NOL4: variants seen among roughly 807,000 people sequenced by gnomAD.
NOL4 encodes nucleolar protein 4.
In NOL4, 17 loss-of-function variants were observed where a neutral mutation model predicts 75.9. The observed-to-expected ratio is 0.22, with a 90% confidence interval of 0.15 to 0.34. NOL4 has a LOEUF of 0.34. Among genes scored for constraint, NOL4 ranks in the 10% least tolerant of loss-of-function variants. NOL4 has a pLI of 1.00. For missense variants in NOL4, 614 were observed against 793.5 expected (o/e 0.77, Z 2.72); for synonymous variants, 292 against 289.9 (o/e 1.01, Z -0.07).
intron 1 of NOL4, among the ~76,000 whole-genome samples, chr18:34,147,126 G>A (rs986697998): frequency 1.3e-5 from 2 of 152,012 alleles, no homozygotes; most frequent in South Asian, 2.1e-4. Flanking sequence ...GGGCTGAGAC[G>A]ATGGGGTTTT....
intron 5 of NOL4, among the ~76,000 whole-genome samples, chr18:34,044,171 TAAA>T (rs2076260688): frequency 6.6e-6 from 1 of 152,088 alleles, no homozygotes; most frequent in African/African-American, 2.4e-5. Context: ...CTCCATCAAT[TAAA>T]AACTATAAAG....
At chr18:33,868,025 G>C (rs904467842) in intron 10 of NOL4, among the ~76,000 whole-genome samples, 4 of 151,206 alleles carry the variant, frequency 2.6e-5, no homozygotes, top group African/African-American at 9.7e-5. Context: ...TGCTTTACTC[G>C]GTCTACTGAT....
At chr18:34,218,948 A>T (rs796730592) in intron 1 of NOL4, among the ~76,000 whole-genome samples, 22 of 152,350 alleles carry the variant, frequency 1.4e-4, no homozygotes, top group African/African-American at 5.3e-4. Context: ...CTGATGTAGC[A>T]TAAAGGATTT....
chr18:33,881,807 C>A (rs1050619319), intron 10 of NOL4, among the ~76,000 whole-genome samples: 33 of 152,076 alleles, frequency 2.2e-4, no homozygotes, highest in Non-Finnish European at 4.3e-4. Flanking sequence ...TCAAACTATA[C>A]TACAAGGCTA....
At chr18:33,956,623 T>C (rs1383732902) in intron 8 of NOL4, among the ~76,000 whole-genome samples, 3 of 152,190 alleles carry the variant, frequency 2.0e-5, no homozygotes, top group East Asian at 1.9e-4. Flanking sequence ...TATTTCTAGA[T>C]GTAACAATTA....
chr18:33,962,499 T>A (rs1420551374), intron 6 of NOL4, among the ~76,000 whole-genome samples: 1 of 152,182 alleles, frequency 6.6e-6, no homozygotes, highest in Non-Finnish European at 1.5e-5. Context: ...ACTGCCTCCA[T>A]GCAATGATAA....
chr18:34,045,063 A>T (rs181849201), intron 5 of NOL4, among the ~76,000 whole-genome samples: 1 of 152,220 alleles, frequency 6.6e-6, no homozygotes, highest in Non-Finnish European at 1.5e-5. Flanking sequence ...ATGAAGCCAA[A>T]TTAATCATCT....
At chr18:34,061,771 C>T (rs1386801641) in intron 5 of NOL4, among the ~76,000 whole-genome samples, 1 of 151,914 alleles carries the variant, frequency 6.6e-6, no homozygotes, top group African/African-American at 2.4e-5. Flanking sequence ...TTATATTGGG[C>T]AATATTTTTA....
chr18:34,159,667 T>C (rs1374657960), intron 1 of NOL4, among the ~76,000 whole-genome samples: 1 of 152,080 alleles, frequency 6.6e-6, no homozygotes, highest in Non-Finnish European at 1.5e-5. Context: ...TAATTCCCTG[T>C]ATGTCCCGAC....
intron 9 of NOL4, among the ~76,000 whole-genome samples, chr18:33,890,060 T>G (rs2065005904): frequency 6.6e-6 from 1 of 152,058 alleles, no homozygotes; most frequent in African/African-American, 2.4e-5. Flanking sequence ...GAGAAAGAAA[T>G]AAAGCATATT....
At chr18:33,903,889 C>A (rs2065883238) in intron 9 of NOL4, among the ~76,000 whole-genome samples, 1 of 152,144 alleles carries the variant, frequency 6.6e-6, no homozygotes, top group Non-Finnish European at 1.5e-5. Context: ...AAATCAACCA[C>A]CCTCCCTCTA....
intron 1 of NOL4, among the ~76,000 whole-genome samples, chr18:34,214,344 T>C (rs2036729352): frequency 6.7e-6 from 1 of 149,114 alleles, no homozygotes; most frequent in South Asian, 2.1e-4. Flanking sequence ...GGTAGAGTGT[T>C]ATATAGATGT....
intron 1 of NOL4, among the ~76,000 whole-genome samples, chr18:34,149,469 G>T (rs574715578): frequency 3.3e-5 from 5 of 151,654 alleles, no homozygotes; most frequent in Middle Eastern, 3.4e-3. Context: ...AAATACAAGG[G>T]AAAGGATTTG....
At chr18:34,024,190 A>ATATATATATATATATATATATATAT (rs1322401512) in intron 5 of NOL4, among the ~76,000 whole-genome samples, 16 of 69,654 alleles carry the variant, frequency 2.3e-4, no homozygotes, top group African/African-American at 3.7e-4. Context: ...GGAAAAAAAA[A>ATATATATATATATATATATATATAT]AAAAATATAT....
At chr18:34,143,682 C>T (rs554057494) in intron 1 of NOL4, among the ~76,000 whole-genome samples, 4 of 151,942 alleles carry the variant, frequency 2.6e-5, no homozygotes, top group Admixed American at 2.0e-4. Context: ...GCCTGGCCAA[C>T]ATGGAAAGGC....
chr18:33,860,226 G>T (rs2063039050), intron 10 of NOL4, among the ~76,000 whole-genome samples: 2 of 152,028 alleles, frequency 1.3e-5, no homozygotes, highest in Admixed American at 6.6e-5. Context: ...TGGGGATAAT[G>T]GGAATTACAA....
At chr18:34,046,262 C>T (rs1272325330) in intron 5 of NOL4, among the ~76,000 whole-genome samples, 3 of 152,036 alleles carry the variant, frequency 2.0e-5, no homozygotes, top group African/African-American at 7.2e-5. Flanking sequence ...AGATCAACTT[C>T]TTTCCTAGAT....
chr18:33,855,047 G>T (rs575106547), intron 10 of NOL4, among the ~76,000 whole-genome samples: 9 of 152,058 alleles, frequency 5.9e-5, no homozygotes, highest in African/African-American at 2.2e-4. Context: ...ATTATTCTTT[G>T]TCTGAAAGAA....
intron 1 of NOL4, among the ~76,000 whole-genome samples, chr18:34,221,829 A>G (rs921873197): frequency 6.6e-6 from 1 of 152,186 alleles, no homozygotes; most frequent in Non-Finnish European, 1.5e-5. Flanking sequence ...TCAATATAAT[A>G]TACCTCCATT....
Sources: gnomAD v4.1 joint callset for allele counts (sites outside exome capture counted in the v4.1 genomes callset) on GRCh38, gnomAD v4.1.1 for gene constraint, MANE v1.5 for transcripts, NCBI Gene and HGNC (gene_info 2026-07-23, HGNC 2026-07-21) for gene names.